PWWP2B: variants seen among roughly 807,000 people sequenced by gnomAD.
PWWP2B encodes the protein PWWP domain-containing protein 2B.
PWWP2B carries 9 observed loss-of-function variants against 15.5 expected under a neutral mutation model. The ratio of observed to expected loss-of-function variants is 0.58; its 90% CI spans 0.35 to 1.02. The LOEUF (loss-of-function observed/expected upper bound fraction) is 1.02. Among genes scored for constraint, PWWP2B ranks in the 50% least tolerant of loss-of-function variants. PWWP2B has a pLI of 0.02. For synonymous variants in PWWP2B, 474 were observed against 403.6 expected (o/e 1.17, Z -2.09); for missense variants, 864 against 865.3 (o/e 1.00, Z 0.02).
Position 132,417,466 on chromosome 10 carries a change from G to C in PWWP2B, c.*422G>C, listed in dbSNP as rs1201759575. On this transcript the variant is annotated 3_prime_UTR_variant, in exon 3 of 3. Coordinates refer to ENST00000305233, the MANE Select transcript of PWWP2B (RefSeq NM_138499.4). ...CCTCGCCCAGCGGCTGGTGTGGGCA[G>C]CTGTTCCCTGCCTCGCAGTGTCCTG... 3 of 283,952 alleles carry C rather than the reference G, an allele frequency of 1.1e-5. No individual in the cohort carries two copies. The highest frequency in any genetic ancestry group is 2.0e-5 in the Non-Finnish European group (3 of 149,128). The allele number at this position is 283,952 out of a possible 1,614,324, so 17.6% of individuals were successfully genotyped here.
rs916381042 is a variant in PWWP2B, at chr10:132,417,843, GAAAGA to G, written c.*808_*812del. 1 of 152,326 alleles carries G rather than the reference GAAAGA, an allele frequency of 6.6e-6. No individual in the cohort carries two copies. The highest frequency in any genetic ancestry group is 2.4e-5 in the African/African-American group (1 of 41,580). The allele number at this position is 152,326 out of a possible 1,614,324, so 9.4% of individuals were successfully genotyped here. A position where few individuals can be genotyped will look rare whatever the true frequency, so the allele number is the denominator to read the frequency against. On this transcript the variant is annotated 3_prime_UTR_variant, in exon 3 of 3. Coordinates refer to ENST00000305233, the MANE Select transcript of PWWP2B (RefSeq NM_138499.4). ...CACTTTAAAGACCAAAAAGAATAAA[GAAAGA>G]AAAGAAAAAAATTAATCTGCTCTTT...
intron 2 of PWWP2B, among the ~76,000 whole-genome samples, chr10:132,411,950 G>T (rs1440961876): frequency 6.6e-6 from 1 of 152,238 alleles, no homozygotes; most frequent in South Asian, 2.1e-4. Flanking sequence ...GGGAATTCAG[G>T]TCCCACGTGA....
chr10:132,414,570 CTGGAGGATGCATAGG>C (rs146002700), intron 2 of PWWP2B, among the ~76,000 whole-genome samples: 6,863 of 152,258 alleles, frequency 0.045, 205 homozygotes, highest in Middle Eastern at 0.11. Context: ...ACCCCAGGGG[CTGGAGGATGCATAGG>C]TGGAGCTGCT....
intron 1 of PWWP2B, among the ~76,000 whole-genome samples, chr10:132,397,704 A>G (rs1407890491): frequency 6.6e-6 from 1 of 152,168 alleles, no homozygotes; most frequent in African/African-American, 2.4e-5. Flanking sequence ...TCGTTAAAGC[A>G]GGGGAGGGTC....
chr10:132,404,640 G>A lies in PWWP2B; in HGVS notation c.140G>A (p.Gly47Asp). ...LDCTKKSGLF[G>D]LPPLAPLPQV... is the part of the protein sequence containing the mutation. ...TCCATTGCCAGGTCCGGCCTCTTTGGCCTACCCCCGTTGGCTCCGCTGCCC... is the reference window on the plus strand; with the variant it reads ...TCCATTGCCAGGTCCGGCCTCTTTGACCTACCCCCGTTGGCTCCGCTGCCC... Residue 47 changes from glycine to aspartate, a missense_variant, in exon 2 of 3, where the codon GGC (glycine) becomes GAC (aspartate). This residue lies in a region of PWWP2B where 736 missense variants were observed against 687.7 expected (regional missense o/e 1.07). Transcript: ENST00000305233. The A allele has an allele frequency of 6.2e-7, 1 of 1,612,846 alleles. No individual in the cohort carries two copies. The highest frequency in any genetic ancestry group is 8.5e-7 in the Non-Finnish European group (1 of 1,179,782).
chr10:132,411,903 G>T (rs1399368124), intron 2 of PWWP2B, among the ~76,000 whole-genome samples: 1 of 152,228 alleles, frequency 6.6e-6, no homozygotes, highest in East Asian at 1.9e-4. Flanking sequence ...TGCTTCTGAG[G>T]ACGGGTTTCT....
At chr10:132,399,459 T>C (rs908233562) in intron 1 of PWWP2B, among the ~76,000 whole-genome samples, 1 of 152,234 alleles carries the variant, frequency 6.6e-6, no homozygotes, top group African/African-American at 2.4e-5. Context: ...CCAGCGTTTG[T>C]TGTCGGCCGG....
chr10:132,397,406 C>A, intron 1 of PWWP2B, 55 bp downstream of exon 1: 1 of 1,168,252 alleles, frequency 8.6e-7, no homozygotes, highest in Non-Finnish European at 1.1e-6. Flanking sequence ...ACACCCGCCT[C>A]CGCCGCCCGG....
At chr10:132,399,442 C>T (rs2069585247) in intron 1 of PWWP2B, among the ~76,000 whole-genome samples, 6 of 152,250 alleles carry the variant, frequency 3.9e-5, no homozygotes, top group Admixed American at 3.3e-4. Flanking sequence ...TGAGGTGGGC[C>T]CAGCAGCCAG....
intron 1 of PWWP2B, among the ~76,000 whole-genome samples, chr10:132,399,334 C>T (rs777320386): frequency 4.5e-4 from 69 of 152,382 alleles, no homozygotes; most frequent in Middle Eastern, 3.4e-3. Flanking sequence ...CCAGCACAAC[C>T]GGCGCTGTTG....
In PWWP2B at chr10:132,409,177, C is replaced by T. The variant is rs545903074; in HGVS notation, c.*16+2888C>T. On this transcript the variant is annotated intron_variant, in intron 2 of 2. Transcript: ENST00000305233. ...GAGCCGCACTCCACCCCGGTGGTCA[C>T]GGCCGGCTCCAGGGCCTGTGAATGG... Among the ~76,000 whole-genome samples, 5 of 152,314 alleles carry T rather than the reference C, an allele frequency of 3.3e-5. No individual in the cohort carries two copies. In the South Asian group the frequency reaches 6.2e-4, roughly 19 times the overall value.
chr10:132,399,175 G>A (rs1564871310), intron 1 of PWWP2B, among the ~76,000 whole-genome samples: 1 of 152,226 alleles, frequency 6.6e-6, no homozygotes, highest in Non-Finnish European at 1.5e-5. Flanking sequence ...TTCCCCAGGT[G>A]CCAGTTTCTC....
chr10:132,398,603 G>A (rs1032243911), intron 1 of PWWP2B, among the ~76,000 whole-genome samples: 3 of 152,204 alleles, frequency 2.0e-5, no homozygotes, highest in African/African-American at 4.8e-5. Flanking sequence ...TCCTTGACTC[G>A]GGACAAGGGA....
At position 132,405,205 on chromosome 10, in the gene PWWP2B, G is replaced by A; in HGVS notation, c.705G>A (p.Glu235=). 6.3e-7 allele frequency: 1 copy of A among 1,583,014 alleles called. No individual in the cohort carries two copies. Among genetic ancestry groups the A allele is most frequent in the Non-Finnish European group, 8.6e-7 (1 of 1,165,948 alleles). ...CCACCGCCAGGAGGAGCAAGAGGGA[G>A]AGGCGCGAGGAGGACAGGGCCCCGG... ...AAATARRSKR[E]RREEDRAPAE... is the part of the protein sequence containing the mutation. The change falls in exon 2 of 3, where the codon GAG becomes GAA. Residue 235 remains glutamate (E), a synonymous_variant. Coordinates refer to ENST00000305233, the MANE Select transcript of PWWP2B (RefSeq NM_138499.4).
In PWWP2B at chr10:132,406,228, C is replaced by G; in HGVS notation, c.1728C>G (p.His576Gln). Residue 576 changes from histidine to glutamine, a missense_variant, in exon 2 of 3, where the codon CAC becomes CAG. By Grantham distance (24) the His-to-Gln change is conservative. Around this residue, in one of 2 missense-constraint regions of PWWP2B, gnomAD observed 128 missense variants for 177.6 expected, o/e 0.72. Coordinates refer to ENST00000305233, the MANE Select transcript of PWWP2B (RefSeq NM_138499.4). ...CCGAGGCTGCAAATGCCGCAAGACA[C>G]GTGGCCCCGGAAATCAGGGAGCTCT... ...AITEAANAAR[H>Q]VAPEIRELLT... The G allele has an allele frequency of 6.2e-7, 1 of 1,611,572 alleles. No homozygotes were observed. The highest frequency in any genetic ancestry group is 8.5e-7 in the Non-Finnish European group (1 of 1,178,690).
intron 2 of PWWP2B, among the ~76,000 whole-genome samples, chr10:132,415,246 ACTCACACACACACCCG>A (rs2069830031): frequency 6.6e-6 from 1 of 150,656 alleles, no homozygotes; most frequent in East Asian, 1.9e-4. Context: ...ACACACATCC[ACTCACACACACACCCG>A]CTCACACATT....
intron 2 of PWWP2B, among the ~76,000 whole-genome samples, chr10:132,415,999 C>G (rs993266264): frequency 7.9e-5 from 12 of 152,248 alleles, no homozygotes; most frequent in African/African-American, 2.9e-4. Context: ...CTGCAGGTGC[C>G]CTCCAGGCCT....
At chr10:132,409,247 C>A (rs2069745435) in intron 2 of PWWP2B, among the ~76,000 whole-genome samples, 1 of 152,230 alleles carries the variant, frequency 6.6e-6, no homozygotes, top group South Asian at 2.1e-4. Flanking sequence ...CCCTCTCAGG[C>A]TGGCAGGAGA....
intron 1 of PWWP2B, among the ~76,000 whole-genome samples, chr10:132,400,295 G>A (rs2069599738): frequency 6.6e-6 from 1 of 152,150 alleles, no homozygotes; most frequent in Admixed American, 6.5e-5. Context: ...GTCTCGAGGG[G>A]ATGGCATCTG....
Sources: allele counts gnomAD v4.1 joint callset (sites outside exome capture counted in the v4.1 genomes callset), GRCh38; gene constraint gnomAD v4.1.1; regional missense constraint gnomAD v4.1.1; transcripts MANE v1.5; gene names NCBI Gene and HGNC (gene_info 2026-07-23, HGNC 2026-07-21).